Variants in NCKAP5 observed in about 807,000 individuals in gnomAD.
NCKAP5 encodes nck-associated protein 5.
NCKAP5 carries 92 observed loss-of-function variants against 167.0 expected under a neutral mutation model. The ratio of observed to expected loss-of-function variants is 0.55; its 90% confidence interval spans 0.47 to 0.66. The LOEUF (loss-of-function observed/expected upper bound fraction) is 0.66. Among genes scored for constraint, NCKAP5 ranks in the 30% least tolerant of loss-of-function variants. The pLI, the probability that NCKAP5 is intolerant of heterozygous loss-of-function variation, is 0.00. For synonymous variants in NCKAP5, 891 were observed against 877.4 expected (o/e 1.02, Z -0.27); for missense variants, 2,378 against 2,315.0 (o/e 1.03, Z -0.56).
intron 5 of NCKAP5, among the ~76,000 whole-genome samples, chr2:133,159,159 T>C (rs1432100990): frequency 6.6e-6 from 1 of 151,984 alleles, no homozygotes; most frequent in Non-Finnish European, 1.5e-5. Context: ...ATTCCAAGCA[T>C]GAGAGGGACT....
the NCKAP5 span, among the ~76,000 whole-genome samples, chr2:133,658,823 T>C: frequency 2.0e-5 from 3 of 152,090 alleles, no homozygotes; most frequent in Admixed American, 6.6e-5. Context: ...TCTGAGTCCT[T>C]GACTGTGGCT....
At chr2:133,096,875 G>A (rs538643124) in intron 6 of NCKAP5, among the ~76,000 whole-genome samples, 1 of 152,296 alleles carries the variant, frequency 6.6e-6, no homozygotes, top group East Asian at 1.9e-4. Context: ...AGGCTGAACA[G>A]TACAATAATA....
intron 6 of NCKAP5, among the ~76,000 whole-genome samples, chr2:133,071,616 A>C (rs1460447148): frequency 6.6e-6 from 1 of 152,212 alleles, no homozygotes; most frequent in Non-Finnish European, 1.5e-5. Flanking sequence ...CAGATTTCTG[A>C]GATTCTCTGA....
chr2:133,180,653 A>G (rs1233436639), intron 5 of NCKAP5, among the ~76,000 whole-genome samples: 6 of 152,160 alleles, frequency 3.9e-5, no homozygotes, highest in Admixed American at 6.5e-5. Flanking sequence ...GGTTAAAGAA[A>G]GTTTTCTAAA....
chr2:133,249,106 C>T (rs2088161210), intron 4 of NCKAP5, among the ~76,000 whole-genome samples: 1 of 152,128 alleles, frequency 6.6e-6, no homozygotes, highest in Admixed American at 6.5e-5. Context: ...TGCCCCTGCC[C>T]CTCCCACCCA....
At chr2:133,507,860 G>A (rs546732657) in intron 3 of NCKAP5, among the ~76,000 whole-genome samples, 5 of 152,268 alleles carry the variant, frequency 3.3e-5, no homozygotes, top group African/African-American at 1.2e-4. Context: ...TCCATTCATG[G>A]CCATGAACCC....
chr2:132,749,547 A>C (rs1679930991), intron 16 of NCKAP5, among the ~76,000 whole-genome samples: 2 of 152,204 alleles, frequency 1.3e-5, no homozygotes, highest in South Asian at 4.1e-4. Context: ...TGGTCCTTTT[A>C]AAATTATTTT....
At chr2:133,561,109 A>C (rs1688124041) in intron 1 of NCKAP5, among the ~76,000 whole-genome samples, 1 of 152,260 alleles carries the variant, frequency 6.6e-6, no homozygotes, top group South Asian at 2.1e-4. Flanking sequence ...GAAATAAATA[A>C]GATGCACTTT....
chr2:133,462,082 G>T (rs1692234394), intron 3 of NCKAP5, among the ~76,000 whole-genome samples: 1 of 152,178 alleles, frequency 6.6e-6, no homozygotes, highest in Non-Finnish European at 1.5e-5. Context: ...TTCACATAGG[G>T]AATGTATTTG....
intron 8 of NCKAP5, among the ~76,000 whole-genome samples, chr2:132,887,500 T>C (rs557211609): frequency 6.6e-6 from 1 of 152,352 alleles, no homozygotes; most frequent in Admixed American, 6.5e-5. Context: ...TTACCTCTTA[T>C]ACTTTGTCTC....
At chr2:133,019,313 C>G (rs1392816616) in intron 6 of NCKAP5, among the ~76,000 whole-genome samples, 1 of 151,966 alleles carries the variant, frequency 6.6e-6, no homozygotes, top group African/African-American at 2.4e-5. Flanking sequence ...GAAAATTAAT[C>G]AATAGGGTAT....
the NCKAP5 span, among the ~76,000 whole-genome samples, chr2:133,598,590 G>C: frequency 9.2e-5 from 14 of 152,262 alleles, no homozygotes; most frequent in East Asian, 2.5e-3. Flanking sequence ...TTGACAACAG[G>C]GGCCCAGTTG....
At chr2:133,298,674 G>C (rs1680135069) in intron 4 of NCKAP5, among the ~76,000 whole-genome samples, 1 of 152,034 alleles carries the variant, frequency 6.6e-6, no homozygotes, top group Non-Finnish European at 1.5e-5. Context: ...TCATCAGATG[G>C]CATTCATTAT....
chr2:133,524,274 C>A (rs1253648306), intron 2 of NCKAP5, among the ~76,000 whole-genome samples: 1 of 152,192 alleles, frequency 6.6e-6, no homozygotes, highest in Non-Finnish European at 1.5e-5. Context: ...GTAGCAGCAA[C>A]TACCTTTCCT....
At chr2:133,486,200 C>G (rs1369633369) in intron 3 of NCKAP5, among the ~76,000 whole-genome samples, 1 of 152,192 alleles carries the variant, frequency 6.6e-6, no homozygotes, top group African/African-American at 2.4e-5. Context: ...CTGTATAATC[C>G]ATTGCATTCT....
At chr2:133,371,206 G>A (rs537107298) in intron 3 of NCKAP5, among the ~76,000 whole-genome samples, 2 of 152,244 alleles carry the variant, frequency 1.3e-5, no homozygotes, top group Admixed American at 1.3e-4. Flanking sequence ...ACAAATTTTT[G>A]TGCAATAAAC....
At chr2:132,811,654 G>A (rs6430375) in intron 11 of NCKAP5, among the ~76,000 whole-genome samples, 53,036 of 151,610 alleles carry the variant, frequency 0.35, 10,057 homozygotes, top group African/African-American at 0.5. Context: ...GTTTCCAGGC[G>A]GAAGGTGAGA....
chr2:132,845,091 C>T (rs540154987), intron 11 of NCKAP5, among the ~76,000 whole-genome samples: 6 of 152,044 alleles, frequency 3.9e-5, no homozygotes, highest in African/African-American at 1.4e-4. Context: ...AGTTCATCAG[C>T]CATTTGTGTT....
At chr2:133,499,391 C>A (rs1011415899) in intron 3 of NCKAP5, among the ~76,000 whole-genome samples, 3 of 152,122 alleles carry the variant, frequency 2.0e-5, no homozygotes, top group Non-Finnish European at 2.9e-5. Context: ...TCTAAAAATG[C>A]ACAAACTAGA....
Sources: allele counts gnomAD v4.1 joint callset (sites outside exome capture counted in the v4.1 genomes callset), GRCh38; gene constraint gnomAD v4.1.1; transcripts MANE v1.5; gene names NCBI Gene and HGNC (gene_info 2026-07-23, HGNC 2026-07-21).